Variants in SPIDR observed in about 807,000 individuals in gnomAD.
SPIDR encodes DNA repair-scaffolding protein.
SPIDR carries 93 observed loss-of-function variants against 104.6 expected under a neutral mutation model. That is an observed-to-expected ratio of 0.89 (90% CI 0.75 to 1.06). The LOEUF is 1.06. Among genes scored for constraint, SPIDR ranks in the 50% least tolerant of loss-of-function variants. The pLI is 0.00. For synonymous variants in SPIDR, 431 were observed against 416.9 expected (o/e 1.03, Z -0.41); for missense variants, 1,154 against 1,111.2 (o/e 1.04, Z -0.55).
At chr8:47,370,715 G>A (rs1013754451) in intron 5 of SPIDR, among the ~76,000 whole-genome samples, 2 of 151,696 alleles carry the variant, frequency 1.3e-5, no homozygotes, top group Admixed American at 1.3e-4. Context: ...CTCCCAAAGT[G>A]CTGTGATTAC....
chr8:47,684,126 C>G (rs1202833976), intron 11 of SPIDR, among the ~76,000 whole-genome samples: 2 of 38,150 alleles, frequency 5.2e-5, no homozygotes, highest in African/African-American at 2.1e-4. Flanking sequence ...GACTCTGTCT[C>G]AAAAAAAAAA....
chr8:47,376,879 G>A (rs2058720951), intron 5 of SPIDR, among the ~76,000 whole-genome samples: 1 of 152,074 alleles, frequency 6.6e-6, no homozygotes, highest in Non-Finnish European at 1.5e-5. Context: ...GCAAACTATA[G>A]CTTACAGGCC....
chr8:47,457,165 C>A (rs1484296578), intron 8 of SPIDR, among the ~76,000 whole-genome samples: 1 of 152,120 alleles, frequency 6.6e-6, no homozygotes, highest in Non-Finnish European at 1.5e-5. Context: ...ACTTTTAGTT[C>A]TTTAAGGAAT....
At chr8:47,375,950 G>C (rs1261071676) in intron 5 of SPIDR, among the ~76,000 whole-genome samples, 1 of 152,142 alleles carries the variant, frequency 6.6e-6, no homozygotes, top group African/African-American at 2.4e-5. Flanking sequence ...TTAATGCTGA[G>C]ACAGTGTTCC....
intron 8 of SPIDR, among the ~76,000 whole-genome samples, chr8:47,526,149 A>C (rs1177863726): frequency 6.6e-6 from 1 of 152,216 alleles, no homozygotes; most frequent in Admixed American, 6.5e-5. Flanking sequence ...GGCTGTTCCC[A>C]GGCTCAGCTT....
At chr8:47,731,509 G>A (rs1231225336) in intron 19 of SPIDR, among the ~76,000 whole-genome samples, 1 of 152,254 alleles carries the variant, frequency 6.6e-6, no homozygotes, top group Non-Finnish European at 1.5e-5. Flanking sequence ...GTCCCAGCAA[G>A]GTAGAGCCCA....
At chr8:47,377,440 T>C (rs1322587398) in intron 5 of SPIDR, among the ~76,000 whole-genome samples, 2 of 152,316 alleles carry the variant, frequency 1.3e-5, no homozygotes, top group African/African-American at 4.8e-5. Context: ...TTGGGAGCAG[T>C]CTAGAGGAGA....
intron 5 of SPIDR, among the ~76,000 whole-genome samples, chr8:47,313,371 C>T (rs2044609738): frequency 6.6e-6 from 1 of 152,142 alleles, no homozygotes; most frequent in Non-Finnish European, 1.5e-5. Context: ...TGAAGGACCT[C>T]TTCAAGGAGA....
chr8:47,422,073 G>A (rs1361452266), intron 7 of SPIDR, among the ~76,000 whole-genome samples: 3 of 152,188 alleles, frequency 2.0e-5, no homozygotes, highest in Non-Finnish European at 4.4e-5. Context: ...CACTTGAGGA[G>A]GCAGTGTGTC....
chr8:47,621,074 A>G (rs2065089324), intron 10 of SPIDR, among the ~76,000 whole-genome samples: 1 of 151,508 alleles, frequency 6.6e-6, no homozygotes, highest in Non-Finnish European at 1.5e-5. Flanking sequence ...CCCCAGCCTC[A>G]GCCTCCCAAG....
chr8:47,502,610 G>T (rs2080710296), intron 8 of SPIDR, among the ~76,000 whole-genome samples: 1 of 151,994 alleles, frequency 6.6e-6, no homozygotes, highest in South Asian at 2.1e-4. Context: ...TTGATTTTTT[G>T]AAGGGTTTTT....
chr8:47,356,904 C>T (rs2054657471), intron 5 of SPIDR, among the ~76,000 whole-genome samples: 1 of 152,168 alleles, frequency 6.6e-6, no homozygotes, highest in South Asian at 2.1e-4. Context: ...ATCTATTTTA[C>T]ACATATTTTC....
At chr8:47,682,153 A>G (rs2077167493) in intron 11 of SPIDR, among the ~76,000 whole-genome samples, 1 of 151,766 alleles carries the variant, frequency 6.6e-6, no homozygotes, top group Non-Finnish European at 1.5e-5. Context: ...AAGAGAAGAC[A>G]TGAAATGGGC....
intron 11 of SPIDR, among the ~76,000 whole-genome samples, chr8:47,683,277 C>G (rs2077321153): frequency 6.6e-6 from 1 of 152,218 alleles, no homozygotes; most frequent in African/African-American, 2.4e-5. Context: ...TTCACTTATT[C>G]TTTCAGCAAA....
chr8:47,404,665 C>G (rs1554666165), intron 6 of SPIDR, among the ~76,000 whole-genome samples: 3 of 152,172 alleles, frequency 2.0e-5, no homozygotes, highest in Non-Finnish European at 1.5e-5. Flanking sequence ...CATGTCACAC[C>G]AGTTAGAATG....
chr8:47,270,117 G>C (rs887014053), intron 1 of SPIDR, among the ~76,000 whole-genome samples: 19 of 152,252 alleles, frequency 1.2e-4, no homozygotes, highest in African/African-American at 4.6e-4. Flanking sequence ...GTGCTTCGTT[G>C]TTATGTTTTG....
chr8:47,580,184 T>C (rs2059566754), intron 8 of SPIDR, among the ~76,000 whole-genome samples: 1 of 152,216 alleles, frequency 6.6e-6, no homozygotes, highest in Non-Finnish European at 1.5e-5. Context: ...AAAAGTGATA[T>C]CCACTGCTAA....
chr8:47,585,365 G>A (rs1486438992), intron 8 of SPIDR, among the ~76,000 whole-genome samples: 1 of 152,192 alleles, frequency 6.6e-6, no homozygotes, highest in Admixed American at 6.5e-5. Context: ...AAAATGACTA[G>A]TGGGATGATT....
chr8:47,443,676 G>A (rs193298708), intron 8 of SPIDR, among the ~76,000 whole-genome samples: 146 of 147,964 alleles, frequency 9.9e-4, no homozygotes, highest in African/African-American at 3.5e-3. Flanking sequence ...AGAAATAATA[G>A]TGAATATATT....
Sources: gnomAD v4.1 joint callset for allele counts (sites outside exome capture counted in the v4.1 genomes callset) on GRCh38, gnomAD v4.1.1 for gene constraint, MANE v1.5 for transcripts, NCBI Gene and HGNC (gene_info 2026-07-23, HGNC 2026-07-21) for gene names.